Variants in LUZP2 observed in about 807,000 individuals in gnomAD.
The protein encoded by LUZP2 is leucine zipper protein 2.
In LUZP2, 52 loss-of-function variants were observed where a neutral mutation model predicts 51.6. The ratio of observed to expected loss-of-function variants is 1.01; its 90% CI spans 0.81 to 1.27. The LOEUF (loss-of-function observed/expected upper bound fraction) is 1.27, where lower values mean the gene tolerates loss of function less well. Among genes scored for constraint, LUZP2 ranks in the 50% most tolerant of loss-of-function variants. The pLI is 0.00. For synonymous variants in LUZP2, 154 were observed against 137.3 expected, an observed-to-expected ratio of 1.12 and a Z score of -0.85; for missense variants, 436 against 395.4, an observed-to-expected ratio of 1.10 and a Z score of -0.87.
intron 1 of LUZP2, among the ~76,000 whole-genome samples, chr11:24,549,694 A>G (rs1245513246): frequency 6.6e-6 from 1 of 152,084 alleles, no homozygotes; most frequent in East Asian, 1.9e-4. Flanking sequence ...ATTCAGCTCC[A>G]TTGTAATCTT....
At chr11:24,671,993 A>G (rs1301726682) in intron 1 of LUZP2, among the ~76,000 whole-genome samples, 1 of 152,126 alleles carries the variant, frequency 6.6e-6, no homozygotes, top group Non-Finnish European at 1.5e-5. Context: ...TAGACTGACA[A>G]TAAATGTAGT....
At chr11:24,996,757 T>C (rs923062362) in intron 9 of LUZP2, among the ~76,000 whole-genome samples, 3 of 152,092 alleles carry the variant, frequency 2.0e-5, no homozygotes, top group Non-Finnish European at 4.4e-5. Context: ...CTCCTAAAGC[T>C]ATCCCTCCCC....
At chr11:24,658,962 T>C (rs867735308) in intron 1 of LUZP2, among the ~76,000 whole-genome samples, 46 of 152,220 alleles carry the variant, frequency 3.0e-4, no homozygotes, top group African/African-American at 8.4e-4. Context: ...AACACTTTTA[T>C]ACTGTTGGTG....
At chr11:24,520,472 GT>G (rs2133799370) in intron 1 of LUZP2, among the ~76,000 whole-genome samples, 1 of 152,278 alleles carries the variant, frequency 6.6e-6, no homozygotes, top group East Asian at 1.9e-4. Context: ...TAATGAAAAG[GT>G]TGTATAATTA....
At chr11:24,660,226 G>A (rs116255246) in intron 1 of LUZP2, among the ~76,000 whole-genome samples, 2,150 of 152,244 alleles carry the variant, frequency 0.014, 47 homozygotes, top group African/African-American at 0.046. Context: ...CAGTAAAAGC[G>A]TGCCAGTCCA....
chr11:24,923,934 A>G (rs1854150091), intron 7 of LUZP2, among the ~76,000 whole-genome samples: 1 of 152,150 alleles, frequency 6.6e-6, no homozygotes, highest in Non-Finnish European at 1.5e-5. Flanking sequence ...AAAAATGCAG[A>G]TTCACTAAGA....
chr11:25,072,061 A>G (rs530739230), intron 10 of LUZP2, among the ~76,000 whole-genome samples: 7 of 152,140 alleles, frequency 4.6e-5, no homozygotes, highest in African/African-American at 1.7e-4. Context: ...CCTTATTTTC[A>G]GTTGATTAAA....
chr11:24,618,754 TA>T (rs1854383763), intron 1 of LUZP2, among the ~76,000 whole-genome samples: 1 of 152,126 alleles, frequency 6.6e-6, no homozygotes, highest in Non-Finnish European at 1.5e-5. Flanking sequence ...GTTTTATATA[TA>T]ATGGCCAGGG....
At chr11:24,882,180 T>A (rs977234949) in intron 5 of LUZP2, among the ~76,000 whole-genome samples, 1 of 152,020 alleles carries the variant, frequency 6.6e-6, no homozygotes, top group Non-Finnish European at 1.5e-5. Flanking sequence ...ATATCTTACA[T>A]GAGAGGTCCA....
chr11:24,802,175 C>T (rs1330571200), intron 5 of LUZP2, among the ~76,000 whole-genome samples: 1 of 152,006 alleles, frequency 6.6e-6, no homozygotes, highest in Non-Finnish European at 1.5e-5. Flanking sequence ...ATACAATATG[C>T]AGTCTATTAT....
chr11:24,996,846 T>C (rs556816802), intron 9 of LUZP2, among the ~76,000 whole-genome samples: 148 of 152,046 alleles, frequency 9.7e-4, no homozygotes, highest in African/African-American at 3.4e-3. Context: ...TTAATTCCCA[T>C]CTATCAGTAA....
chr11:25,052,826 G>T (rs1177882907), intron 10 of LUZP2, among the ~76,000 whole-genome samples: 1 of 151,968 alleles, frequency 6.6e-6, no homozygotes, highest in Non-Finnish European at 1.5e-5. Flanking sequence ...CTATTTTGGG[G>T]TGTGTTTTAG....
intron 4 of LUZP2, among the ~76,000 whole-genome samples, chr11:24,756,689 C>T (rs994772692): frequency 6.6e-6 from 1 of 152,196 alleles, no homozygotes; most frequent in African/African-American, 2.4e-5. Context: ...ACACAGAAGA[C>T]TTCTGTGACC....
intron 1 of LUZP2, among the ~76,000 whole-genome samples, chr11:24,574,596 G>C (rs569068388): frequency 6.6e-6 from 1 of 152,132 alleles, no homozygotes; most frequent in East Asian, 1.9e-4. Flanking sequence ...AGGAGAGATT[G>C]AACTGAACTC....
intron 1 of LUZP2, among the ~76,000 whole-genome samples, chr11:24,542,645 G>C (rs923366020): frequency 2.6e-5 from 4 of 151,888 alleles, no homozygotes; most frequent in African/African-American, 9.7e-5. Flanking sequence ...TGGGGAAAAA[G>C]TCTTTATTTG....
chr11:24,781,972 C>T (rs1236892038), intron 5 of LUZP2, among the ~76,000 whole-genome samples: 1 of 151,924 alleles, frequency 6.6e-6, no homozygotes, highest in Admixed American at 6.6e-5. Context: ...GCATATGCCA[C>T]GGTTTGGATA....
At chr11:24,985,450 T>C (rs966847260) in intron 9 of LUZP2, among the ~76,000 whole-genome samples, 1 of 151,776 alleles carries the variant, frequency 6.6e-6, no homozygotes, top group African/African-American at 2.4e-5. Flanking sequence ...CCAGGGGATC[T>C]GATCTGCATT....
At chr11:25,076,603 T>TAAGG (rs1859306504) in intron 10 of LUZP2, among the ~76,000 whole-genome samples, 1 of 72,396 alleles carries the variant, frequency 1.4e-5, no homozygotes, top group Admixed American at 2.0e-4. Context: ...AAGAGGGAAC[T>TAAGG]AAGGAAGGAA....
intron 1 of LUZP2, chr11:24,646,568 C>T (rs1408050283): frequency 1.0e-6 from 1 of 984,210 alleles, no homozygotes; most frequent in Non-Finnish European, 1.2e-6. Flanking sequence ...TCTGCTGGAA[C>T]CTCCATATCC....
Sources: allele counts gnomAD v4.1 joint callset (sites outside exome capture counted in the v4.1 genomes callset), GRCh38; gene constraint gnomAD v4.1.1; transcripts MANE v1.5; gene names NCBI Gene and HGNC (gene_info 2026-07-23, HGNC 2026-07-21).